Variants in TEX11 observed in about 807,000 individuals in gnomAD.
TEX11 encodes testis expressed 11, also known as testis-expressed protein 11.
A neutral mutation model predicts 84.4 loss-of-function variants in TEX11; 7 were observed. That is an observed-to-expected ratio of 0.08 (90% confidence interval 0.05 to 0.16). The LOEUF (loss-of-function observed/expected upper bound fraction) is 0.16. Ranked by LOEUF, TEX11 falls within the 10% of genes least tolerant of loss-of-function variation. The pLI is 1.00. For synonymous variants in TEX11, 264 were observed against 222.8 expected, an observed-to-expected ratio of 1.18 and a Z score of -1.64; for missense variants, 551 against 660.5, an observed-to-expected ratio of 0.83 and a Z score of 1.82.
At chrX:70,656,830 T>C (rs2089871648) in intron 16 of TEX11, among the ~76,000 whole-genome samples, 1 of 111,837 alleles carries the variant, frequency 8.9e-6, no homozygotes, top group Non-Finnish European at 1.9e-5. Context: ...ATTGAGTGAG[T>C]GCAAGGACCT....
chrX:70,795,987 GC>G (rs1159666114), intron 9 of TEX11, among the ~76,000 whole-genome samples: 1 of 111,374 alleles, frequency 9.0e-6, no homozygotes, highest in Non-Finnish European at 1.9e-5. Context: ...AGGAAAACAT[GC>G]CCTTACCAAA....
At chrX:70,845,456 C>T (rs2091474097) in intron 7 of TEX11, among the ~76,000 whole-genome samples, 1 of 111,388 alleles carries the variant, frequency 9.0e-6, no homozygotes, top group Non-Finnish European at 1.9e-5. Flanking sequence ...GCCACTGCGC[C>T]TGGCCCACTT....
chrX:70,680,151 T>G (rs1603217216), intron 14 of TEX11, among the ~76,000 whole-genome samples: 1 of 72,697 alleles, frequency 1.4e-5, no homozygotes, highest in Non-Finnish European at 2.7e-5. Flanking sequence ...GGGGGAAAGG[T>G]GGGGAAAAGA....
At chrX:70,535,542 G>T (rs1197084815) in intron 28 of TEX11, among the ~76,000 whole-genome samples, 2 of 111,461 alleles carry the variant, frequency 1.8e-5, no homozygotes, top group Non-Finnish European at 3.8e-5. Flanking sequence ...AGCTCAGAAG[G>T]TTGAGACCAG....
At chrX:70,645,866 A>G (rs1216734204) in intron 17 of TEX11, among the ~76,000 whole-genome samples, 1 of 111,282 alleles carries the variant, frequency 9.0e-6, no homozygotes, top group African/African-American at 3.3e-5. Context: ...TACAGATGCA[A>G]TGCAATCCCT....
chrX:70,637,813 C>T (rs1464905953), intron 17 of TEX11, among the ~76,000 whole-genome samples: 1 of 111,101 alleles, frequency 9.0e-6, no homozygotes, highest in African/African-American at 3.3e-5. Flanking sequence ...TTAGTGGATG[C>T]TGGACTTAAC....
chrX:70,660,519 A>G (rs1170219558), intron 16 of TEX11, among the ~76,000 whole-genome samples: 2 of 110,136 alleles, frequency 1.8e-5, no homozygotes, highest in Non-Finnish European at 3.8e-5. Context: ...AAACTAAGAC[A>G]TGAGCAAACA....
intron 3 of TEX11, among the ~76,000 whole-genome samples, chrX:70,873,876 T>C (rs1437087507): frequency 1.8e-5 from 2 of 111,949 alleles, no homozygotes; most frequent in African/African-American, 6.5e-5. Context: ...AGATGATTTA[T>C]TTAACATGTG....
At chrX:70,540,510 G>A (rs2088029555) in intron 28 of TEX11, among the ~76,000 whole-genome samples, 2 of 110,944 alleles carry the variant, frequency 1.8e-5, no homozygotes, top group Admixed American at 9.6e-5. Context: ...TTATTATGGA[G>A]ATAATTAAAT....
At chrX:70,611,352 A>G (rs1262521580) in intron 20 of TEX11, among the ~76,000 whole-genome samples, 2 of 111,998 alleles carry the variant, frequency 1.8e-5, no homozygotes, top group African/African-American at 6.5e-5. Context: ...ATAGCTTACT[A>G]GAGCAGAGAT....
At chrX:70,865,960 C>T (rs1200081335) in intron 4 of TEX11, among the ~76,000 whole-genome samples, 1 of 111,080 alleles carries the variant, frequency 9.0e-6, no homozygotes, top group Non-Finnish European at 1.9e-5. Flanking sequence ...AATCAACACC[C>T]GAACATCACA....
intron 4 of TEX11, among the ~76,000 whole-genome samples, chrX:70,864,753 A>C (rs866824793): frequency 1.9e-5 from 2 of 106,680 alleles, no homozygotes; most frequent in African/African-American, 6.8e-5. Flanking sequence ...AAAAAAAAAA[A>C]AAAAAAGAAA....
chrX:70,657,843 C>T (rs2089885091), intron 16 of TEX11, among the ~76,000 whole-genome samples: 2 of 94,196 alleles, frequency 2.1e-5, no homozygotes, highest in Admixed American at 2.6e-4. Flanking sequence ...CCAAACACCG[C>T]ATGTTCTCAC....
At chrX:70,697,999 A>G (rs1215853828) in intron 13 of TEX11, among the ~76,000 whole-genome samples, 1 of 111,429 alleles carries the variant, frequency 9.0e-6, no homozygotes, top group Non-Finnish European at 1.9e-5. Flanking sequence ...TTAGATTTAC[A>G]TTTTATTTTT....
intron 8 of TEX11, among the ~76,000 whole-genome samples, chrX:70,810,551 C>T: frequency 9.0e-6 from 1 of 111,083 alleles, no homozygotes. Context: ...GAACAGAAAA[C>T]CAAACACCGC....
intron 20 of TEX11, among the ~76,000 whole-genome samples, chrX:70,616,523 GAAGGA>G (rs1408212010): frequency 9.0e-6 from 1 of 111,614 alleles, no homozygotes; most frequent in Non-Finnish European, 1.9e-5. Flanking sequence ...AGACAGGACA[GAAGGA>G]AAGAAGGAAG....
chrX:70,775,799 C>CAA (rs55995616), intron 9 of TEX11, among the ~76,000 whole-genome samples: 1 of 44,078 alleles, frequency 2.3e-5, no homozygotes. Flanking sequence ...GACTCCGTCT[C>CAA]AAAAAAAAAA....
At chrX:70,575,622 A>C (rs750418259) in intron 25 of TEX11, among the ~76,000 whole-genome samples, 1 of 111,443 alleles carries the variant, frequency 9.0e-6, no homozygotes, top group East Asian at 2.8e-4. Flanking sequence ...TGGATCCTTG[A>C]CCGTAGACTT....
chrX:70,885,618 G>T (rs924135978), intron 2 of TEX11, among the ~76,000 whole-genome samples: 1 of 111,134 alleles, frequency 9.0e-6, no homozygotes, highest in Non-Finnish European at 1.9e-5. Context: ...AAGGCCAGGC[G>T]CAGTGGCTTA....
Sources: gnomAD v4.1 joint callset for allele counts (sites outside exome capture counted in the v4.1 genomes callset) on GRCh38, gnomAD v4.1.1 for gene constraint, MANE v1.5 for transcripts, NCBI Gene and HGNC (gene_info 2026-07-23, HGNC 2026-07-21) for gene names.